The following XPR1 variants were observed in gnomAD, a reference collection of about 807,000 sequenced individuals.
XPR1 encodes the protein solute carrier family 53 member 1.
A neutral mutation model predicts 87.5 loss-of-function variants in XPR1; 28 were observed. The ratio of observed to expected loss-of-function variants is 0.32; its 90% CI spans 0.24 to 0.44. The LOEUF is 0.44. XPR1 is among the 20% of genes least tolerant of loss of function. The pLI, the probability that XPR1 is intolerant of heterozygous loss-of-function variation, is 1.00. For missense variants in XPR1, 559 were observed against 862.3 expected (o/e 0.65, Z 4.41); for synonymous variants, 300 against 306.1 (o/e 0.98, Z 0.21).
intron 7 of XPR1, 129 bp downstream of exon 7, chr1:180,811,617 T>C: frequency 1.4e-6 from 1 of 703,340 alleles, no homozygotes. Flanking sequence ...GGCTAAGTTT[T>C]TTGTCCTTAT....
At chr1:180,770,197 A>G (rs770865008) in intron 2 of XPR1, among the ~76,000 whole-genome samples, 5 of 151,924 alleles carry the variant, frequency 3.3e-5, no homozygotes, top group South Asian at 2.1e-4. Context: ...TTTCAGTTAC[A>G]TGTTTAAAGA....
chr1:180,884,868 A>G lies in XPR1; in HGVS notation c.*802A>G, dbSNP rs1652961263. 1 of 152,470 alleles carries G rather than the reference A, an allele frequency of 6.6e-6. No individual in the cohort carries two copies. The highest frequency in any genetic ancestry group is 1.5e-5 in the Non-Finnish European group (1 of 68,050). 9.4% of individuals were successfully genotyped at this position (152,470 alleles called of 1,614,324 possible). A position where few individuals can be genotyped will look rare whatever the true frequency, so the allele number is the denominator to read the frequency against. On this transcript the variant is annotated 3_prime_UTR_variant, in exon 15 of 15. Transcript: ENST00000367590. Reference sequence around the variant, plus strand: ...TTTTCTTTTCTTTGTTTTTATTTTAAGCCAAAGTTTCATTGCTAACTTCTT... The same window carrying G: ...TTTTCTTTTCTTTGTTTTTATTTTAGGCCAAAGTTTCATTGCTAACTTCTT...
intron 2 of XPR1, among the ~76,000 whole-genome samples, chr1:180,741,341 T>A (rs547772833): frequency 7.9e-5 from 12 of 152,116 alleles, no homozygotes; most frequent in African/African-American, 2.4e-4. Flanking sequence ...TTTTTTTGTA[T>A]TTTTAGTAGA....
At chr1:180,656,399 A>ATATATAT (rs1557941215) in intron 1 of XPR1, among the ~76,000 whole-genome samples, 7 of 40,404 alleles carry the variant, frequency 1.7e-4, no homozygotes, top group African/African-American at 6.1e-4. Flanking sequence ...ATTTATATAT[A>ATATATAT]AATATTTATA....
At chr1:180,665,683 T>G (rs939492984) in intron 1 of XPR1, among the ~76,000 whole-genome samples, 1 of 152,144 alleles carries the variant, frequency 6.6e-6, no homozygotes, top group African/African-American at 2.4e-5. Context: ...TCTCCCTCCC[T>G]CAAGTGCAGA....
chr1:180,698,565 A>C (rs1657246216), intron 2 of XPR1, among the ~76,000 whole-genome samples: 1 of 151,796 alleles, frequency 6.6e-6, no homozygotes, highest in African/African-American at 2.4e-5. Context: ...ATTTGTCTCC[A>C]TTTTCTTTCT....
intron 2 of XPR1, among the ~76,000 whole-genome samples, chr1:180,731,136 G>A (rs1658543655): frequency 6.6e-6 from 1 of 152,036 alleles, no homozygotes; most frequent in Non-Finnish European, 1.5e-5. Context: ...AGAATTATTG[G>A]TGTCGATCTG....
intron 3 of XPR1, among the ~76,000 whole-genome samples, chr1:180,796,088 G>GTGA (rs1355177606): frequency 7.2e-5 from 11 of 152,112 alleles, no homozygotes; most frequent in Non-Finnish European, 1.5e-4. Context: ...GATTACAGGC[G>GTGA]TGAGCGACTG....
At chr1:180,829,112 C>T (rs1439490863) in intron 9 of XPR1, among the ~76,000 whole-genome samples, 1 of 152,106 alleles carries the variant, frequency 6.6e-6, no homozygotes, top group Non-Finnish European at 1.5e-5. Context: ...AGGAGGATCG[C>T]TTGAGTCCAG....
At chr1:180,772,494 T>C (rs932131624) in intron 2 of XPR1, among the ~76,000 whole-genome samples, 1 of 152,180 alleles carries the variant, frequency 6.6e-6, no homozygotes, top group Non-Finnish European at 1.5e-5. Flanking sequence ...TCTGTCTGTC[T>C]GTCTTTGTGT....
intron 2 of XPR1, among the ~76,000 whole-genome samples, chr1:180,739,511 A>G (rs1337510852): frequency 6.6e-6 from 1 of 152,318 alleles, no homozygotes; most frequent in East Asian, 1.9e-4. Context: ...CTGTAGATCA[A>G]TTTAGGGAGA....
Position 180,708,429 on chromosome 1 carries a change from T to C in XPR1, c.121+26018T>C, listed in dbSNP as rs551998109. On this transcript the variant is annotated intron_variant, in intron 2 of 14. Coordinates refer to ENST00000367590, the MANE Select transcript of XPR1 (RefSeq NM_004736.4). ...AACATTATGAACGTACTTAATGCCA[T>C]TGAATTGTACTCTTAATATTGGTTA... Among the ~76,000 whole-genome samples, 3 of 152,340 alleles carry C rather than the reference T, an allele frequency of 2.0e-5. No individual in the cohort carries two copies. In the South Asian group the frequency reaches 6.2e-4, roughly 32 times the overall value.
chr1:180,761,328 C>T (rs1194730392), intron 2 of XPR1, among the ~76,000 whole-genome samples: 2 of 152,138 alleles, frequency 1.3e-5, no homozygotes, highest in Non-Finnish European at 2.9e-5. Context: ...TCAGAGTGAA[C>T]AGGCAACCTA....
chr1:180,655,809 CTT>C (rs957921668), intron 1 of XPR1, among the ~76,000 whole-genome samples: 1 of 151,646 alleles, frequency 6.6e-6, no homozygotes, highest in Non-Finnish European at 1.5e-5. Context: ...TGAGTACCAT[CTT>C]TTTTTAATTT....
At chr1:180,880,346 C>T in intron 14 of XPR1, 49 bp downstream of exon 14, 1 of 1,599,954 alleles carries the variant, frequency 6.3e-7, no homozygotes, top group South Asian at 1.1e-5. Flanking sequence ...TGAGTTTTAG[C>T]ATTGGGTAGC....
At chr1:180,749,639 T>TCACACACACACACA (rs139363505) in intron 2 of XPR1, among the ~76,000 whole-genome samples, 9,851 of 142,288 alleles carry the variant, frequency 0.069, 530 homozygotes, top group South Asian at 0.1. Flanking sequence ...CACATATACA[T>TCACACACACACACA]CACACACACA....
At chr1:180,797,385 A>C (rs533310034) in intron 3 of XPR1, among the ~76,000 whole-genome samples, 143 of 152,354 alleles carry the variant, frequency 9.4e-4, no homozygotes, top group African/African-American at 3.3e-3. Flanking sequence ...AACTTTATAT[A>C]GAAAGCAGTG....
intron 7 of XPR1, among the ~76,000 whole-genome samples, chr1:180,813,469 A>G (rs1207630050): frequency 1.3e-5 from 2 of 152,136 alleles, no homozygotes; most frequent in African/African-American, 4.8e-5. Context: ...TATATATTAT[A>G]TATTTATATT....
intron 2 of XPR1, among the ~76,000 whole-genome samples, chr1:180,764,788 C>T (rs1378266011): frequency 1.4e-3 from 183 of 129,700 alleles, no homozygotes; most frequent in Middle Eastern, 8.3e-3. Flanking sequence ...AATTTTTTTT[C>T]TTTTTTTTTT....
Sources: allele counts gnomAD v4.1 joint callset (sites outside exome capture counted in the v4.1 genomes callset), GRCh38; gene constraint gnomAD v4.1.1; transcripts MANE v1.5; gene names NCBI Gene and HGNC (gene_info 2026-07-23, HGNC 2026-07-21).